Variants in ACLY observed in about 807,000 individuals in gnomAD.
The protein encoded by ACLY is ATP citrate lyase, also known as ATP-citrate synthase.
Under a neutral mutation model 133.0 loss-of-function variants are expected in ACLY, and 41 were observed. The observed-to-expected ratio is 0.31, with a 90% CI of 0.24 to 0.40. ACLY has a LOEUF of 0.40. ACLY is among the 10% of genes least tolerant of loss of function. The pLI is 1.00. For missense variants in ACLY, 1,046 were observed against 1,453.8 expected, an observed-to-expected ratio of 0.72 and a Z score of 4.56; for synonymous variants, 495 against 549.3, an observed-to-expected ratio of 0.90 and a Z score of 1.38.
Position 41,878,230 on chromosome 17 carries a change from A to G in ACLY, c.2394-34T>C, listed in dbSNP as rs980056354. On this transcript the variant is annotated intron_variant, in intron 21 of 28. Transcript: ENST00000352035. Reference sequence around the variant, plus strand: ...CAGGAAAAAAAAGACATCCATGTGGATTTTCTTATTTTGGGCTCCTGTAAG... The same window carrying G: ...CAGGAAAAAAAAGACATCCATGTGGGTTTTCTTATTTTGGGCTCCTGTAAG... The G allele has an allele frequency of 5.4e-6, 8 of 1,470,606 alleles. No homozygotes were observed. In the African/African-American group the frequency reaches 8.7e-5, roughly 16 times the overall value. The allele number at this position is 1,470,606 out of a possible 1,614,324, so 91.1% of individuals were successfully genotyped here.
chr17:41,910,118 C>T, intron 4 of ACLY, 104 bp downstream of exon 4: 2 of 1,174,310 alleles, frequency 1.7e-6, no homozygotes, highest in South Asian at 2.9e-5. Context: ...GACCCTGGTC[C>T]CTCTGACTGT....
chr17:41,919,732 C>G (rs1214114516), upstream of ACLY, among the ~76,000 whole-genome samples: 1 of 152,250 alleles, frequency 6.6e-6, no homozygotes, highest in Non-Finnish European at 1.5e-5. Flanking sequence ...CTTGTTCCCA[C>G]CAACCACAGG....
In ACLY at chr17:41,914,019, G is replaced by A. The variant is rs2049981533; in HGVS notation, c.-23-123C>T. On this transcript the variant is annotated intron_variant, in intron 1 of 28. Coordinates refer to ENST00000352035, the MANE Select transcript of ACLY (RefSeq NM_001096.3). ...AAAACCAGATCTCAGCTTTTCTCAAGAGGAAGGAAAAAATGCTGTCCCAGC... is the reference window on the plus strand; with the variant it reads ...AAAACCAGATCTCAGCTTTTCTCAAAAGGAAGGAAAAAATGCTGTCCCAGC... The A allele has an allele frequency of 7.3e-6, 7 of 962,304 alleles. No individual in the cohort carries two copies. The Admixed American group carries it at 1.6e-4, about 21-fold the overall frequency. 59.6% of individuals were successfully genotyped at this position (962,304 alleles called of 1,614,324 possible). A position where few individuals can be genotyped will look rare whatever the true frequency, so the allele number is the denominator to read the frequency against.
chr17:41,896,490 A>C (rs558096280), intron 14 of ACLY, 130 bp downstream of exon 14: 2 of 812,260 alleles, frequency 2.5e-6, no homozygotes, highest in African/African-American at 3.5e-5. Flanking sequence ...AGGCCACATC[A>C]AGGCAGGGAC....
Position 41,867,023 on chromosome 17 carries a change from T to G in ACLY, c.*787A>C, listed in dbSNP as rs915972870. 1 of 152,626 alleles carries G rather than the reference T, an allele frequency of 6.6e-6. No homozygotes were observed. Among genetic ancestry groups the G allele is most frequent in the African/African-American group, 2.4e-5 (1 of 41,452 alleles). 9.5% of individuals were successfully genotyped at this position (152,626 alleles called of 1,614,324 possible). A position where few individuals can be genotyped will look rare whatever the true frequency, so the allele number is the denominator to read the frequency against. On this transcript the variant is annotated 3_prime_UTR_variant, in exon 29 of 29. Transcript: ENST00000352035. ...ATCTTTGTGGATTACAGATGCAAAG[T>G]AGTTAGGAGTCCTTGGACCCACACT...
Position 41,882,495 on chromosome 17 carries a change from C to A in ACLY, c.2265+627G>T, listed in dbSNP as rs573393231. Among the ~76,000 whole-genome samples, 114 of 151,018 alleles carry A rather than the reference C, an allele frequency of 7.5e-4. 1 individual carries two copies. Among genetic ancestry groups the A allele is most frequent in the African/African-American group, 2.6e-3 (108 of 41,190 alleles). On this transcript the variant is annotated intron_variant, in intron 20 of 28. Coordinates refer to ENST00000352035, the MANE Select transcript of ACLY (RefSeq NM_001096.3). ...TTCAATTTCATCATCATCACGTGAGCCACCTTCAAGGTGGTAAAGGGTTCT... is the reference window on the plus strand; with the variant it reads ...TTCAATTTCATCATCATCACGTGAGACACCTTCAAGGTGGTAAAGGGTTCT...
At chr17:41,920,985 C>T (rs2050174201), upstream of ACLY, among the ~76,000 whole-genome samples, 1 of 151,154 alleles carries the variant, frequency 6.6e-6, no homozygotes, top group Admixed American at 6.6e-5. Context: ...TCGCTTGAAC[C>T]CAGGAGGCGG....
intron 12 of ACLY, among the ~76,000 whole-genome samples, chr17:41,898,181 C>T (rs1555630803): frequency 6.6e-6 from 1 of 152,168 alleles, no homozygotes; most frequent in Non-Finnish European, 1.5e-5. Flanking sequence ...GGTGCCATCA[C>T]AGCTCACTGC....
At chr17:41,869,626 A>T in intron 25 of ACLY, 39 bp from the exon 26 acceptor site, 1 of 1,523,516 alleles carries the variant, frequency 6.6e-7, no homozygotes, top group Non-Finnish European at 9.1e-7. Flanking sequence ...ACACTCACAC[A>T]CTGCTGGGAT....
At chr17:41,915,260 A>C (rs887383721) in intron 1 of ACLY, among the ~76,000 whole-genome samples, 2 of 152,172 alleles carry the variant, frequency 1.3e-5, no homozygotes, top group African/African-American at 4.8e-5. Context: ...TGGGCATGGA[A>C]ATTCAGGCCA....
intron 16 of ACLY, among the ~76,000 whole-genome samples, chr17:41,890,333 GA>G (rs2049169704): frequency 6.6e-6 from 1 of 151,332 alleles, no homozygotes; most frequent in Non-Finnish European, 1.5e-5. Flanking sequence ...TTTTTATAAT[GA>G]AATGTTGGAG....
chr17:41,914,371 T>TTCTCTCCCTACAGGTTTCA (rs1362546890), intron 1 of ACLY, among the ~76,000 whole-genome samples: 1 of 152,116 alleles, frequency 6.6e-6, no homozygotes, highest in Non-Finnish European at 1.5e-5. Context: ...AGGCTAGCCT[T>TTCTCTCCCTACAGGTTTCA]TCTCTCCCTA....
chr17:41,874,548 C>T (rs1253226149), intron 22 of ACLY, among the ~76,000 whole-genome samples: 1 of 151,442 alleles, frequency 6.6e-6, no homozygotes, highest in Admixed American at 6.6e-5. Flanking sequence ...GCTGGGATTA[C>T]AGGCGTGAGA....
At chr17:41,892,172 C>T in intron 16 of ACLY, 107 bp downstream of exon 16, 1 of 1,148,282 alleles carries the variant, frequency 8.7e-7, no homozygotes, top group South Asian at 1.7e-5. Flanking sequence ...GGGACATCAA[C>T]CAGGAGCCAT....
Position 41,873,883 on chromosome 17 carries a change from A to G in ACLY, c.2570T>C (p.Met857Thr). ...ERGQELIYAGMPITEVFKEEM... is the reference protein window; with the variant it reads ...ERGQELIYAGTPITEVFKEEM... Reference sequence around the variant, plus strand: ...TTCCTTGAAGACCTCAGTGATGGGCATGCCCGCGTAGATGAGCTCCTGTCC... The same window carrying G: ...TTCCTTGAAGACCTCAGTGATGGGCGTGCCCGCGTAGATGAGCTCCTGTCC... The change falls in exon 23 of 29, where the codon ATG (methionine) becomes ACG (threonine). Residue 857 changes from methionine to threonine, a missense_variant. By Grantham distance (81) the Met-to-Thr change is moderately conservative. Coordinates refer to ENST00000352035, the MANE Select transcript of ACLY (RefSeq NM_001096.3). The G allele has an allele frequency of 6.2e-7, 1 of 1,609,890 alleles. No individual in the cohort carries two copies. The highest frequency in any genetic ancestry group is 8.5e-7 in the Non-Finnish European group (1 of 1,177,154).
chr17:41,885,952 G>C (rs547442507), intron 18 of ACLY, among the ~76,000 whole-genome samples, 160 bp downstream of exon 18: 2 of 152,292 alleles, frequency 1.3e-5, no homozygotes, highest in East Asian at 3.9e-4. Context: ...TGCTCTGTCA[G>C]TCCTGAGACA....
upstream of ACLY, among the ~76,000 whole-genome samples, chr17:41,920,463 G>A (rs781930393): frequency 2.0e-5 from 3 of 151,814 alleles, no homozygotes; most frequent in Admixed American, 6.6e-5. Context: ...GGTGGCACAC[G>A]CCTATAAATC....
intron 11 of ACLY, among the ~76,000 whole-genome samples, chr17:41,899,803 G>C (rs2049476341): frequency 6.6e-6 from 1 of 152,032 alleles, no homozygotes; most frequent in African/African-American, 2.4e-5. Flanking sequence ...CAACACTTTG[G>C]GAGGCCTAGG....
rs782299316 is a variant in ACLY, at chr17:41,869,429, A to C, written c.3051+45T>G. The C allele has an allele frequency of 6.7e-6, 10 of 1,496,224 alleles. 1 individual carries two copies. In the South Asian group the frequency reaches 1.1e-4, roughly 17 times the overall value. The allele number at this position is 1,496,224 out of a possible 1,614,324, so 92.7% of individuals were successfully genotyped here. On this transcript the variant is annotated intron_variant, in intron 26 of 28. Transcript: ENST00000352035. ...TAACGTGGCTCCTGTTTCCTCCAAT[A>C]AACTTGTCCAACGTGAGGGAATTAG...
Sources: allele counts gnomAD v4.1 joint callset (sites outside exome capture counted in the v4.1 genomes callset), GRCh38; gene constraint gnomAD v4.1.1; transcripts MANE v1.5; gene names NCBI Gene and HGNC (gene_info 2026-07-23, HGNC 2026-07-21).